MOAP1: variants seen among roughly 807,000 people sequenced by gnomAD.
MOAP1 encodes the protein modulator of apoptosis 1, also known as MAP1.
For synonymous variants in MOAP1, 150 were observed against 161.0 expected, an observed-to-expected ratio of 0.93 and a Z score of 0.52; for missense variants, 385 against 418.6, an observed-to-expected ratio of 0.92 and a Z score of 0.70.
rs1394025213 is a variant in MOAP1 at position 93,184,157 on chromosome 14, C to A, written c.86G>T (p.Ser29Ile). ...KALLIAGISQ[S>I]CSVAEIEEAL... ...CTCCTCGATTTCTGCCACACTGCAG[C>A]TCTGGGAGATGCCGGCAATCAATAG... The change falls in exon 3 of 3, where the codon AGC becomes ATC. Residue 29 changes from serine (S) to isoleucine (I), a missense_variant. Ser to Ile is a moderately radical substitution (Grantham distance 142, BLOSUM62 -2). Coordinates refer to ENST00000298894, the MANE Select transcript of MOAP1 (RefSeq NM_022151.5). This position sits in a 1 kb window ranked among gnomAD's most constrained non-coding sequence, Gnocchi z 4.2. The A allele has an allele frequency of 6.2e-7, 1 of 1,614,160 alleles. No individual in the cohort carries two copies. The highest frequency in any genetic ancestry group is 8.5e-7 in the Non-Finnish European group (1 of 1,180,006).
In MOAP1 at chr14:93,183,827, G is replaced by A. The variant is rs148548158; in HGVS notation, c.416C>T (p.Pro139Leu). The change falls in exon 3 of 3, where the codon CCG (proline) becomes CTG (leucine). Residue 139 changes from proline (P) to leucine (L), a missense_variant. Coordinates refer to ENST00000298894, the MANE Select transcript of MOAP1 (RefSeq NM_022151.5). ...GSLDPEQGMI[P>L]EMWAPMLAQA... is the part of the protein sequence containing the mutation. Reference sequence around the variant, plus strand: ...TGCCAACATAGGGGCCCACATTTCCGGGATCATGCCCTGCTCTGGGTCTAA... The same window carrying A: ...TGCCAACATAGGGGCCCACATTTCCAGGATCATGCCCTGCTCTGGGTCTAA... 751 of 1,613,910 alleles carry A rather than the reference G, an allele frequency of 4.7e-4. 3 individuals carry two copies. The East Asian group carries it at 7.6e-3, about 16-fold the overall frequency.
Position 93,183,200 on chromosome 14 carries a change from C to T in MOAP1, c.1043G>A (p.Gly348Asp), listed in dbSNP as rs1194810984. 4 of 1,602,496 alleles carry T rather than the reference C, an allele frequency of 2.5e-6. No homozygotes were observed. Among genetic ancestry groups the T allele is most frequent in the Non-Finnish European group, 3.4e-6 (4 of 1,174,408 alleles). ...EEALLQAILE[G>D]NFT ...GTTCCCTGAGACTCAGGTGAAATTA[C>T]CTTCCAATATTGCCTGGAGAAGGGC... Residue 348 changes from glycine to aspartate, a missense_variant, in exon 3 of 3, where the codon GGT becomes GAT. By Grantham distance (94) the Gly-to-Asp change is moderately conservative. Transcript: ENST00000298894.
In MOAP1 at chr14:93,183,799, C is replaced by T. The variant is rs1211242357; in HGVS notation, c.444G>A (p.Gln148=). 16 of 1,614,110 alleles carry T rather than the reference C, an allele frequency of 9.9e-6. No homozygotes were observed. The highest frequency in any genetic ancestry group is 1.0e-5 in the Non-Finnish European group (12 of 1,180,012). The change falls in exon 3 of 3, where the codon CAG becomes CAA. Residue 148 remains glutamine, a synonymous_variant. Transcript: ENST00000298894. Reference sequence around the variant, plus strand: ...GGGCAGGCTGAAGAGCCTCTAATGCCTGTGCCAACATAGGGGCCCACATTT... The same window carrying T: ...GGGCAGGCTGAAGAGCCTCTAATGCTTGTGCCAACATAGGGGCCCACATTT... ...IPEMWAPMLA[Q]ALEALQPALQ... is the part of the protein sequence containing the mutation.
chr14:93,183,621 C>G lies in MOAP1; in HGVS notation c.622G>C (p.Glu208Gln). 6.2e-7 allele frequency: 1 copy of G among 1,614,194 alleles called. No homozygotes were observed. The highest frequency in any genetic ancestry group is 8.5e-7 in the Non-Finnish European group (1 of 1,180,022). Residue 208 changes from glutamate to glutamine, a missense_variant, in exon 3 of 3, where the codon GAG becomes CAG. Coordinates refer to ENST00000298894, the MANE Select transcript of MOAP1 (RefSeq NM_022151.5). ...TCAAGTGCTGGGCCTCGAAGGCTCTCTAGCAATCGCCTTCTCTTCTCTACA... is the reference window on the plus strand; with the variant it reads ...TCAAGTGCTGGGCCTCGAAGGCTCTGTAGCAATCGCCTTCTCTTCTCTACA... ...PDVEKRRRLL[E>Q]SLRGPALDVI...
chr14:93,183,701 A>C lies in MOAP1; in HGVS notation c.542T>G (p.Phe181Cys). The C allele has an allele frequency of 6.2e-7, 1 of 1,614,094 alleles. No individual in the cohort carries two copies. The highest frequency in any genetic ancestry group is 8.5e-7 in the Non-Finnish European group (1 of 1,180,016). The change falls in exon 3 of 3, where the codon TTT becomes TGT. Residue 181 changes from phenylalanine to cysteine, a missense_variant. Phe to Cys is a radical substitution (Grantham distance 205). Coordinates refer to ENST00000298894, the MANE Select transcript of MOAP1 (RefSeq NM_022151.5). ...AGTAGTATGAAACATCCAGCGTCCAAATTCTTCTTCTCCTGGTTCTGGAGA... is the reference window on the plus strand; with the variant it reads ...AGTAGTATGAAACATCCAGCGTCCACATTCTTCTTCTCCTGGTTCTGGAGA... ...RESPEPGEEE[F>C]GRWMFHTTQM...
Position 93,183,156 on chromosome 14 carries a change from A to G in MOAP1, c.*31T>C, listed in dbSNP as rs1046099. ...ACTGTTCTACCTTCATGCTCTACTC[A>G]TTGCCATATCCCTTCGTGGTTCCCT... is the stretch of plus-strand genomic sequence containing the variant. On this transcript the variant is annotated 3_prime_UTR_variant, in exon 3 of 3. Coordinates refer to ENST00000298894, the MANE Select transcript of MOAP1 (RefSeq NM_022151.5). The G allele has an allele frequency of 0.68, 1,068,897 of 1,564,022 alleles. 366,217 individuals are homozygous for G. The highest frequency in any genetic ancestry group is 0.75 in the African/African-American group (55,225 of 73,290).
rs1213477663 is a variant in MOAP1 at position 93,183,611 on chromosome 14, C to G, written c.632G>C (p.Arg211Pro). ...EKRRRLLESL[R>P]GPALDVIRVL... ...ACGAATAACATCAAGTGCTGGGCCT[C>G]GAAGGCTCTCTAGCAATCGCCTTCT... Residue 211 changes from arginine (R) to proline (P), a missense_variant, in exon 3 of 3, where the codon CGA becomes CCA. Arg to Pro is a moderately radical substitution (Grantham distance 103). Coordinates refer to ENST00000298894, the MANE Select transcript of MOAP1 (RefSeq NM_022151.5). 6.2e-7 allele frequency: 1 copy of G among 1,614,038 alleles called. No homozygotes were observed. The highest frequency in any genetic ancestry group is 1.3e-5 in the African/African-American group (1 of 74,932).
Position 93,183,206 on chromosome 14 carries a change from A to G in MOAP1, c.1037T>C (p.Leu346Ser), listed in dbSNP as rs769089392. The part of the protein sequence containing the change: ...EEEEALLQAI[L>S]EGNFT The stretch of plus-strand genomic sequence containing the variant: ...TGAGACTCAGGTGAAATTACCTTCC[A>G]ATATTGCCTGGAGAAGGGCCTCCTC... The change falls in exon 3 of 3, where the codon TTG becomes TCG. Residue 346 changes from leucine (L) to serine (S), a missense_variant. Physicochemically the swap from Leu to Ser is moderately radical, Grantham distance 145. Transcript: ENST00000298894. The G allele has an allele frequency of 6.2e-7, 1 of 1,606,180 alleles. No individual in the cohort carries two copies. The highest frequency in any genetic ancestry group is 8.5e-7 in the Non-Finnish European group (1 of 1,176,212).
Position 93,183,166 on chromosome 14 carries a change from C to T in MOAP1, c.*21G>A, listed in dbSNP as rs756942904. The T allele has an allele frequency of 1.3e-6, 2 of 1,580,034 alleles. No homozygotes were observed. Among genetic ancestry groups the T allele is most frequent in the Non-Finnish European group, 1.7e-6 (2 of 1,163,696 alleles). ...CTTCATGCTCTACTCATTGCCATAT[C>T]CCTTCGTGGTTCCCTGAGACTCAGG... On this transcript the variant is annotated 3_prime_UTR_variant, in exon 3 of 3. Coordinates refer to ENST00000298894, the MANE Select transcript of MOAP1 (RefSeq NM_022151.5).
chr14:93,183,445 C>G lies in MOAP1; in HGVS notation c.798G>C (p.Ser266=). 2 of 1,614,206 alleles carry G rather than the reference C, an allele frequency of 1.2e-6. No individual in the cohort carries two copies. Among genetic ancestry groups the G allele is most frequent in the Middle Eastern group, 1.6e-4 (1 of 6,062 alleles). Residue 266 remains serine (S), a synonymous_variant, in exon 3 of 3, where the codon TCG becomes TCC. Coordinates refer to ENST00000298894, the MANE Select transcript of MOAP1 (RefSeq NM_022151.5). ...AAGGCTCCAGCCTTAGTACATAAGC[C>G]GACAACTTTTCCTCATCCTTCTGGT... ...TTYQKDEEKL[S]AYVLRLEPLL... is the part of the protein sequence containing the mutation.
At position 93,184,003 on chromosome 14, in the gene MOAP1, C is replaced by T. The variant is rs1893983652; in HGVS notation, c.240G>A (p.Lys80=). The T allele has an allele frequency of 3.7e-6, 6 of 1,614,050 alleles. No individual in the cohort carries two copies. In the East Asian group the frequency reaches 1.3e-4, roughly 36 times the overall value. ...AGATACCCCCTTTTCCCGGTATCTC[C>T]TTAGGGACCAGGGCGTGACTAGTCT... ...TAETSHALVP[K]EIPGKGGIWR... The change falls in exon 3 of 3, where the codon AAG becomes AAA. Residue 80 remains lysine, a synonymous_variant. Coordinates refer to ENST00000298894, the MANE Select transcript of MOAP1 (RefSeq NM_022151.5). This position sits in a 1 kb window ranked among gnomAD's most constrained non-coding sequence, Gnocchi z 4.2.
Position 93,184,356 on chromosome 14 carries a change from C to T in MOAP1, c.-114G>A, listed in dbSNP as rs1893991653. On this transcript the variant is annotated 5_prime_UTR_variant, in exon 3 of 3. Transcript: ENST00000298894. The surrounding 1 kb of genome is among the most constrained non-coding windows in gnomAD (Gnocchi z 4.2). ...GAAATCTTGTCAACGTGCCGAGGTC[C>T]AGCAGCCTGCAAGACAGAGCAGACA... 2.2e-5 allele frequency: 10 copies of T among 458,976 alleles called. No homozygotes were observed. The highest frequency in any genetic ancestry group is 2.5e-5 in the Non-Finnish European group (8 of 316,616). The allele number at this position is 458,976 out of a possible 1,614,324, so 28.4% of individuals were successfully genotyped here.
rs1476507868 is a variant in MOAP1 at position 93,184,099 on chromosome 14, C to T, written c.144G>A (p.Glu48=). 23 of 1,613,966 alleles carry T rather than the reference C, an allele frequency of 1.4e-5. No individual in the cohort carries two copies. The highest frequency in any genetic ancestry group is 1.9e-5 in the Non-Finnish European group (23 of 1,180,024). Residue 48 remains glutamate, a synonymous_variant, in exon 3 of 3, where the codon GAG becomes GAA. Transcript: ENST00000298894. The surrounding 1 kb of genome is among the most constrained non-coding windows in gnomAD (Gnocchi z 4.2). ...TGAACATCCTTCCAAGCAGTCTGTA[C>T]TCCCCCAAGGGAGCTAAACCAGCCT... The part of the protein sequence containing the change: ...ALQAGLAPLG[E]YRLLGRMFRR...
Position 93,184,258 on chromosome 14 carries a change from A to C in MOAP1, c.-16T>G, listed in dbSNP as rs1394420046. 1.9e-6 allele frequency: 3 copies of C among 1,550,386 alleles called. No homozygotes were observed. The East Asian group carries it at 6.8e-5, about 35-fold the overall frequency. Reference sequence around the variant, plus strand: ...TCAAAGTCATGGTGCCCGAAATAATAGACTTAAGTTCTAAATATGCCAGAC... The same window carrying C: ...TCAAAGTCATGGTGCCCGAAATAATCGACTTAAGTTCTAAATATGCCAGAC... On this transcript the variant is annotated 5_prime_UTR_variant, in exon 3 of 3. Transcript: ENST00000298894. The surrounding 1 kb of genome is among the most constrained non-coding windows in gnomAD (Gnocchi z 4.2).
chr14:93,183,221 A>C lies in MOAP1; in HGVS notation c.1022T>G (p.Leu341Arg). 1.2e-6 allele frequency: 2 copies of C among 1,609,998 alleles called. No individual in the cohort carries two copies. The highest frequency in any genetic ancestry group is 1.7e-6 in the Non-Finnish European group (2 of 1,178,218). The stretch of plus-strand genomic sequence containing the variant: ...ATTACCTTCCAATATTGCCTGGAGA[A>C]GGGCCTCCTCCTCCTCAGCTGCCTC... ...DYEAAEEEEA[L>R]LQAILEGNFT The change falls in exon 3 of 3, where the codon CTT (leucine) becomes CGT (arginine). Residue 341 changes from leucine to arginine, a missense_variant. Leu to Arg is a moderately radical substitution (Grantham distance 102). Transcript: ENST00000298894.
In MOAP1 at chr14:93,183,021, G is replaced by C; in HGVS notation, c.*166C>G. On this transcript the variant is annotated 3_prime_UTR_variant, in exon 3 of 3. Transcript: ENST00000298894. The stretch of plus-strand genomic sequence containing the variant: ...CCTTCCTAGTCAATTACACCTTTAG[G>C]AGACTTTAAATAGGCACAGAAACGA... 1 of 904,054 alleles carries C rather than the reference G, an allele frequency of 1.1e-6. No individual in the cohort carries two copies. The allele number at this position is 904,054 out of a possible 1,614,324, so 56.0% of individuals were successfully genotyped here.
Position 93,183,744 on chromosome 14 carries a change from C to T in MOAP1, c.499G>A (p.Val167Met). The stretch of plus-strand genomic sequence containing the variant: ...TCTGGAGACTCCCTGCCCGAGAACA[C>T]TCTCAGCTTTTTATACTTCAAGCAT... ...LQCLKYKKLRVFSGRESPEPG... is the reference protein window; with the variant it reads ...LQCLKYKKLRMFSGRESPEPG... Residue 167 changes from valine (V) to methionine (M), a missense_variant, in exon 3 of 3, where the codon GTG (valine) becomes ATG (methionine). Transcript: ENST00000298894. 1 of 1,614,114 alleles carries T rather than the reference C, an allele frequency of 6.2e-7. No individual in the cohort carries two copies. Among genetic ancestry groups the T allele is most frequent in the Admixed American group, 1.7e-5 (1 of 60,012 alleles).
Position 93,183,549 on chromosome 14 carries a change from C to A in MOAP1, c.694G>T (p.Glu232Ter), listed in dbSNP as rs753207654. ...KINNPLITVD[E>*]CLQALEEVFG... ...ACCTCCTCAAGAGCCTGCAGACATT[C>A]ATCGACAGTAATTAAAGGATTGTTT... Residue 232 changes from glutamate to a stop codon, truncating the protein, a stop_gained, in exon 3 of 3, where the codon GAA becomes TAA. Coordinates refer to ENST00000298894, the MANE Select transcript of MOAP1 (RefSeq NM_022151.5). LOFTEE classifies it low-confidence loss of function (END_TRUNC). 6.2e-7 allele frequency: 1 copy of A among 1,614,242 alleles called. No individual in the cohort carries two copies. The highest frequency in any genetic ancestry group is 2.2e-5 in the East Asian group (1 of 44,894).
At position 93,182,395 on chromosome 14, in the gene MOAP1, C is replaced by A. The variant is rs1359589602; in HGVS notation, c.*792G>T. ...GCACAGAATCAATATAATTCTGATT[C>A]ATATGGAAAATAACTTAATATCTTA... On this transcript the variant is annotated 3_prime_UTR_variant, in exon 3 of 3. Transcript: ENST00000298894. The A allele has an allele frequency of 6.6e-6, 1 of 152,576 alleles. No individual in the cohort carries two copies. The highest frequency in any genetic ancestry group is 1.9e-4 in the East Asian group (1 of 5,194). The allele number at this position is 152,576 out of a possible 1,614,324, so 9.5% of individuals were successfully genotyped here. A position where few individuals can be genotyped will look rare whatever the true frequency, so the allele number is the denominator to read the frequency against.
Sources: allele counts gnomAD v4.1 joint callset, GRCh38; gene constraint gnomAD v4.1.1; non-coding constraint Gnocchi (gnomAD v3.1); transcripts MANE v1.5; gene names NCBI Gene and HGNC (gene_info 2026-07-23, HGNC 2026-07-21).